YWHAG: variants seen among roughly 807,000 people sequenced by gnomAD.
YWHAG encodes 14-3-3 protein gamma.
Under a neutral mutation model 23.3 loss-of-function variants are expected in YWHAG, and 1 was observed. The ratio of observed to expected loss-of-function variants is 0.04; its 90% confidence interval spans 0.02 to 0.20. The LOEUF is 0.20. YWHAG is among the 10% of genes least tolerant of loss of function. The probability of loss-of-function intolerance (pLI) is 1.00; values close to 1 mark genes in which losing one functional copy is unlikely to be tolerated. For synonymous variants in YWHAG, 160 were observed against 144.0 expected (o/e 1.11, Z -0.80); for missense variants, 151 against 338.6 (o/e 0.45, Z 4.35).
Position 76,329,554 on chromosome 7 carries a change from G to A in YWHAG, c.*23C>T, listed in dbSNP as rs1420269612. The A allele has an allele frequency of 5.7e-6, 9 of 1,580,194 alleles. No individual in the cohort carries two copies. Among genetic ancestry groups the A allele is most frequent in the Non-Finnish European group, 7.8e-6 (9 of 1,160,678 alleles). Reference sequence around the variant, plus strand: ...AAGACTGCAGTAGTAGCATCCGCGTGCGCTGCCAGTTCCCCTGGGGCCTTA... The same window carrying A: ...AAGACTGCAGTAGTAGCATCCGCGTACGCTGCCAGTTCCCCTGGGGCCTTA... On this transcript the variant is annotated 3_prime_UTR_variant, in exon 2 of 2. Coordinates refer to ENST00000307630, the MANE Select transcript of YWHAG (RefSeq NM_012479.4). This position sits in a 1 kb window ranked among gnomAD's most constrained non-coding sequence, Gnocchi z 6.1.
At position 76,329,871 on chromosome 7, in the gene YWHAG, G is replaced by A. The variant is rs2072435; in HGVS notation, c.450C>T (p.Ser150=). ...CGTGGGCTTCGCTGTAGGCCTTCTCGGAGGACTCCACCACCGTCGCCCTTT... is the reference window on the plus strand; with the variant it reads ...CGTGGGCTTCGCTGTAGGCCTTCTCAGAGGACTCCACCACCGTCGCCCTTT... ...GEKRATVVES[S]EKAYSEAHEI... The change falls in exon 2 of 2, where the codon TCC becomes TCT. Residue 150 remains serine (S), a synonymous_variant. Transcript: ENST00000307630. This position sits in a 1 kb window ranked among gnomAD's most constrained non-coding sequence, Gnocchi z 6.1. 473,775 of 1,613,388 alleles carry A rather than the reference G, an allele frequency of 0.29. 70,856 individuals carry two copies. The highest frequency in any genetic ancestry group is 0.43 in the East Asian group (19,177 of 44,832).
At chr7:76,345,157 G>A (rs1384480754) in intron 1 of YWHAG, among the ~76,000 whole-genome samples, 2 of 151,610 alleles carry the variant, frequency 1.3e-5, no homozygotes, top group East Asian at 1.9e-4. Flanking sequence ...ATAGAGGAAC[G>A]TGACCATTAG....
chr7:76,349,396 C>T (rs1335086480), intron 1 of YWHAG, among the ~76,000 whole-genome samples: 1 of 149,486 alleles, frequency 6.7e-6, no homozygotes, highest in East Asian at 2.0e-4. Context: ...GGTCCAGACG[C>T]GTTTTGGTCA....
chr7:76,334,056 G>A (rs1187773828), intron 1 of YWHAG, among the ~76,000 whole-genome samples: 2 of 152,168 alleles, frequency 1.3e-5, no homozygotes, highest in African/African-American at 2.4e-5. Flanking sequence ...ACAGTAGCTC[G>A]ACCACATTTG....
In YWHAG at chr7:76,328,060, G is replaced by A. The variant is rs913194838; in HGVS notation, c.*1517C>T. 9 of 151,974 alleles carry A rather than the reference G, an allele frequency of 5.9e-5. No homozygotes were observed. Among genetic ancestry groups the A allele is most frequent in the African/African-American group, 9.7e-5 (4 of 41,378 alleles). The allele number at this position is 151,974 out of a possible 1,614,324, so 9.4% of individuals were successfully genotyped here. A position where few individuals can be genotyped will look rare whatever the true frequency, so the allele number is the denominator to read the frequency against. On this transcript the variant is annotated 3_prime_UTR_variant, in exon 2 of 2. Transcript: ENST00000307630. ...GAAAACAAGTGTGGTGTCATTACAC[G>A]TCTCGGGAGTTCCTCGTCACTGACT...
Position 76,358,702 on chromosome 7 carries a change from G to A in YWHAG, c.87+20C>T, listed in dbSNP as rs371973016. The A allele has an allele frequency of 4.0e-5, 63 of 1,558,192 alleles. No homozygotes were observed. The highest frequency in any genetic ancestry group is 9.3e-5 in the South Asian group (8 of 85,774). Reference sequence around the variant, plus strand: ...CTTCGGAGGGGCAGGGAGCGGCGGGGGAGGGGAGGAGACACTCACGTTCTT... The same window carrying A: ...CTTCGGAGGGGCAGGGAGCGGCGGGAGAGGGGAGGAGACACTCACGTTCTT... On this transcript the variant is annotated intron_variant, in intron 1 of 1. Coordinates refer to ENST00000307630, the MANE Select transcript of YWHAG (RefSeq NM_012479.4).
At chr7:76,339,729 A>C (rs141283617) in intron 1 of YWHAG, among the ~76,000 whole-genome samples, 1 of 152,290 alleles carries the variant, frequency 6.6e-6, no homozygotes, top group Non-Finnish European at 1.5e-5. Flanking sequence ...CGTAAGGATG[A>C]AGACTTTTAC....
At chr7:76,349,444 GACACACACAC>G (rs34840797) in intron 1 of YWHAG, among the ~76,000 whole-genome samples, 2 of 143,132 alleles carry the variant, frequency 1.4e-5, no homozygotes, top group Admixed American at 7.0e-5. Context: ...CACACACACA[GACACACACAC>G]ACACACACAC....
chr7:76,329,297 GTTAAA>G lies in YWHAG; in HGVS notation c.*275_*279del. 2.6e-6 allele frequency: 1 copy of G among 387,946 alleles called. No individual in the cohort carries two copies. The highest frequency in any genetic ancestry group is 4.4e-5 in the East Asian group (1 of 22,646). The allele number at this position is 387,946 out of a possible 1,614,324, so 24.0% of individuals were successfully genotyped here. A position where few individuals can be genotyped will look rare whatever the true frequency, so the allele number is the denominator to read the frequency against. ...TGAAAACCCTATTATCTAGCAATAA[GTTAAA>G]TTAGAGACAGACAGCTCCACTTGCA... On this transcript the variant is annotated 3_prime_UTR_variant, in exon 2 of 2. Coordinates refer to ENST00000307630, the MANE Select transcript of YWHAG (RefSeq NM_012479.4). The surrounding 1 kb of genome is among the most constrained non-coding windows in gnomAD (Gnocchi z 6.1).
At position 76,330,305 on chromosome 7, in the gene YWHAG, C is replaced by T. The variant is rs183492561; in HGVS notation, c.88-72G>A. 8.9e-6 allele frequency: 13 copies of T among 1,468,056 alleles called. No homozygotes were observed. The African/African-American group carries it at 1.7e-4, about 19-fold the overall frequency. The allele number at this position is 1,468,056 out of a possible 1,614,324, so 90.9% of individuals were successfully genotyped here. A position where few individuals can be genotyped will look rare whatever the true frequency, so the allele number is the denominator to read the frequency against. ...CTGGGTTAACTGTATCTTTGAGACACTAGAACAGAGCTCTGTTGAGTAACA... is the reference window on the plus strand; with the variant it reads ...CTGGGTTAACTGTATCTTTGAGACATTAGAACAGAGCTCTGTTGAGTAACA... On this transcript the variant is annotated intron_variant, in intron 1 of 1. Coordinates refer to ENST00000307630, the MANE Select transcript of YWHAG (RefSeq NM_012479.4).
chr7:76,358,752 G>T lies in YWHAG; in HGVS notation c.57C>A (p.Arg19=), dbSNP rs780031870. ...QKARLAEQAE[R]YDDMAAAMKN... ...TCATGGCCGCGGCCATGTCGTCGTA[G>T]CGCTCCGCCTGCTCGGCCAGCCGGG... The change falls in exon 1 of 2, where the codon CGC becomes CGA. Residue 19 remains arginine (R), a synonymous_variant. Transcript: ENST00000307630. 1.3e-6 allele frequency: 2 copies of T among 1,592,650 alleles called. No homozygotes were observed. Among genetic ancestry groups the T allele is most frequent in the East Asian group, 4.7e-5 (2 of 42,338 alleles).
intron 1 of YWHAG, among the ~76,000 whole-genome samples, chr7:76,344,368 T>C (rs2115627884): frequency 6.6e-6 from 1 of 152,150 alleles, no homozygotes; most frequent in Non-Finnish European, 1.5e-5. Flanking sequence ...ACCTCAGAAT[T>C]AGGCTTGTTA....
At chr7:76,333,005 A>G (rs2908191) in intron 1 of YWHAG, among the ~76,000 whole-genome samples, 93,633 of 151,710 alleles carry the variant, frequency 0.62, 29,868 homozygotes, top group East Asian at 0.94. Flanking sequence ...GGGTCTCACT[A>G]TATCAATCCG....
chr7:76,334,787 G>C (rs1353169916), intron 1 of YWHAG, among the ~76,000 whole-genome samples: 4 of 151,896 alleles, frequency 2.6e-5, no homozygotes, highest in Non-Finnish European at 5.9e-5. Flanking sequence ...CTGTTGCCCA[G>C]GCTGGAGAGA....
chr7:76,357,273 CT>C (rs1477161154), intron 1 of YWHAG, among the ~76,000 whole-genome samples: 1 of 152,186 alleles, frequency 6.6e-6, no homozygotes, highest in Admixed American at 6.6e-5. Context: ...GCATTGTCCT[CT>C]TTTGAGAACC....
intron 1 of YWHAG, among the ~76,000 whole-genome samples, chr7:76,335,298 C>T (rs1469429859): frequency 2.0e-5 from 3 of 152,190 alleles, no homozygotes; most frequent in East Asian, 1.9e-4. Context: ...CCTTGTGATC[C>T]GCCCGCCTCG....
At chr7:76,345,796 A>T (rs7796797) in intron 1 of YWHAG, among the ~76,000 whole-genome samples, 7 of 151,626 alleles carry the variant, frequency 4.6e-5, no homozygotes, top group Non-Finnish European at 8.8e-5. Context: ...TTAGCTGGGC[A>T]TGGTGGCACG....
At chr7:76,353,199 G>A (rs1176078225) in intron 1 of YWHAG, among the ~76,000 whole-genome samples, 2 of 151,758 alleles carry the variant, frequency 1.3e-5, no homozygotes, top group Admixed American at 6.6e-5. Flanking sequence ...TAAAATTAAA[G>A]CTTTCTTTTG....
At chr7:76,333,907 C>T (rs2115599336) in intron 1 of YWHAG, among the ~76,000 whole-genome samples, 1 of 152,326 alleles carries the variant, frequency 6.6e-6, no homozygotes, top group East Asian at 1.9e-4. Context: ...CTCACCAGTC[C>T]TGGGGGCACT....
Sources: gnomAD v4.1 joint callset for allele counts (sites outside exome capture counted in the v4.1 genomes callset) on GRCh38, gnomAD v4.1.1 for gene constraint, Gnocchi (gnomAD v3.1) non-coding constraint, MANE v1.5 for transcripts, NCBI Gene and HGNC (gene_info 2026-07-23, HGNC 2026-07-21) for gene names.